CDH7: variants seen among roughly 807,000 people sequenced by gnomAD.
The protein encoded by CDH7 is cadherin-7.
Under a neutral mutation model 71.8 loss-of-function variants are expected in CDH7, and 25 were observed. That is an observed-to-expected ratio of 0.35 (90% confidence interval 0.25 to 0.49). The LOEUF is 0.49. Among genes scored for constraint, CDH7 ranks in the 20% least tolerant of loss-of-function variants. The pLI, the probability that CDH7 is intolerant of heterozygous loss-of-function variation, is 0.99. For synonymous variants in CDH7, 381 were observed against 363.8 expected (o/e 1.05, Z -0.54); for missense variants, 862 against 974.6 (o/e 0.88, Z 1.54).
Position 65,862,747 on chromosome 18 carries a change from T to C in CDH7, c.1694T>C (p.Val565Ala). Residue 565 changes from valine (V) to alanine (A), a missense_variant, in exon 11 of 12, where the codon GTG becomes GCG. Val to Ala is a moderately conservative substitution (Grantham distance 64). Transcript: ENST00000397968. ...GTTTACTATCTGCCAATTTTCATTGTGGACAGTGGATCTCCCTCACTTAGC... is the reference window on the plus strand; with the variant it reads ...GTTTACTATCTGCCAATTTTCATTGCGGACAGTGGATCTCCCTCACTTAGC... ...QSVYYLPIFI[V>A]DSGSPSLSST... The C allele has an allele frequency of 6.2e-7, 1 of 1,614,116 alleles. No individual in the cohort carries two copies. Among genetic ancestry groups the C allele is most frequent in the Non-Finnish European group, 8.5e-7 (1 of 1,179,958 alleles).
chr18:65,868,815 C>T (rs1913842044), intron 11 of CDH7, among the ~76,000 whole-genome samples: 1 of 152,180 alleles, frequency 6.6e-6, no homozygotes, highest in Non-Finnish European at 1.5e-5. Flanking sequence ...TGAAATCATT[C>T]TCCCTCACAT....
intron 11 of CDH7, among the ~76,000 whole-genome samples, chr18:65,878,054 A>G (rs933618073): frequency 2.0e-5 from 3 of 152,118 alleles, no homozygotes; most frequent in African/African-American, 7.2e-5. Context: ...TAGACAGGTT[A>G]TTTTATGTGT....
intron 11 of CDH7, among the ~76,000 whole-genome samples, chr18:65,875,156 G>A (rs1458978618): frequency 6.6e-6 from 1 of 152,192 alleles, no homozygotes; most frequent in East Asian, 1.9e-4. Context: ...GTGGGCAGGG[G>A]AAGCCAAAAG....
chr18:65,860,104 A>G (rs537947282), intron 10 of CDH7, among the ~76,000 whole-genome samples: 1 of 152,278 alleles, frequency 6.6e-6, no homozygotes, highest in South Asian at 2.1e-4. Flanking sequence ...TACCAAGTTC[A>G]TTATCCAAAT....
rs368578868 is a variant in CDH7, at chr18:65,859,054, T to A, written c.1494+8T>A. 7.0e-5 allele frequency: 113 copies of A among 1,610,832 alleles called. No homozygotes were observed. In the Middle Eastern group the frequency reaches 1.7e-3, roughly 24 times the overall value. The stretch of plus-strand genomic sequence containing the variant: ...AATGCCCAGCCGGGGCAGGTAAGAG[T>A]CTTCAGAACACTTTGCTTCTAATTT... On this transcript the variant is annotated splice_region_variant and intron_variant, in intron 9 of 11. Transcript: ENST00000397968.
At chr18:65,817,580 C>A (rs1911765730) in intron 4 of CDH7, among the ~76,000 whole-genome samples, 1 of 152,090 alleles carries the variant, frequency 6.6e-6, no homozygotes, top group African/African-American at 2.4e-5. Flanking sequence ...GAAATAGAAA[C>A]TCATTAGCAG....
At position 65,888,644 on chromosome 18, in the gene CDH7, G is replaced by T. The variant is rs935261366; in HGVS notation, c.*7750G>T. 2 of 151,962 alleles carry T rather than the reference G, an allele frequency of 1.3e-5. No individual in the cohort carries two copies. The highest frequency in any genetic ancestry group is 1.3e-4 in the Admixed American group (2 of 15,242). 9.4% of individuals were successfully genotyped at this position (151,962 alleles called of 1,614,324 possible). A position where few individuals can be genotyped will look rare whatever the true frequency, so the allele number is the denominator to read the frequency against. The stretch of plus-strand genomic sequence containing the variant: ...TAGATAACATTCTAACATATACATG[G>T]TTTCAATTTTCTTATAAGTCTGTGA... On this transcript the variant is annotated 3_prime_UTR_variant, in exon 12 of 12. Transcript: ENST00000397968.
intron 11 of CDH7, among the ~76,000 whole-genome samples, chr18:65,878,330 G>A (rs1008563235): frequency 6.6e-6 from 1 of 152,140 alleles, no homozygotes; most frequent in Non-Finnish European, 1.5e-5. Flanking sequence ...TATCTCTTCA[G>A]TCCACACTGT....
intron 2 of CDH7, among the ~76,000 whole-genome samples, chr18:65,801,297 G>T (rs1911114523): frequency 6.6e-6 from 1 of 152,116 alleles, no homozygotes; most frequent in Admixed American, 6.5e-5. Context: ...TCTAGTTTAG[G>T]CATCGGGATA....
rs1189209857 is a variant in CDH7 at position 65,781,767 on chromosome 18, TTTCC to T, written c.210+18767_210+18770del. 2.0e-3 allele frequency among the ~76,000 whole-genome samples: 153 copies of T among 75,436 alleles called. 3 individuals carry two copies. Among genetic ancestry groups the T allele is most frequent in the Non-Finnish European group, 2.3e-3 (87 of 38,398 alleles). The allele number at this position is 75,436 out of a possible 152,430, so 49.5% of individuals were successfully genotyped here. A position where few individuals can be genotyped will look rare whatever the true frequency, so the allele number is the denominator to read the frequency against. On this transcript the variant is annotated intron_variant, in intron 2 of 11. Coordinates refer to ENST00000397968, the MANE Select transcript of CDH7 (RefSeq NM_004361.5). ...ATTGGTTGATTTCTTTCTTTCTTTC[TTTCC>T]TTCCTTCCTTCCTTCCTTCCTTCCT...
chr18:65,779,023 A>G (rs1910072006), intron 2 of CDH7, among the ~76,000 whole-genome samples: 1 of 150,762 alleles, frequency 6.6e-6, no homozygotes, highest in African/African-American at 2.4e-5. Context: ...GTTTCTTTCA[A>G]TGTAGCCCTT....
At chr18:65,835,164 C>G (rs1912490712) in intron 6 of CDH7, among the ~76,000 whole-genome samples, 1 of 152,112 alleles carries the variant, frequency 6.6e-6, no homozygotes, top group African/African-American at 2.4e-5. Flanking sequence ...ATGGTAAGAA[C>G]AGAGGTTGTA....
chr18:65,777,171 G>T (rs964930129), intron 2 of CDH7, among the ~76,000 whole-genome samples: 1 of 152,010 alleles, frequency 6.6e-6, no homozygotes, highest in African/African-American at 2.4e-5. Context: ...TAAAATGAAA[G>T]ACCTGATGCT....
intron 4 of CDH7, among the ~76,000 whole-genome samples, chr18:65,817,272 G>A (rs547178211): frequency 7.9e-5 from 12 of 152,158 alleles, no homozygotes; most frequent in African/African-American, 2.9e-4. Context: ...AAGAGGTATC[G>A]TCATAACAAG....
intron 1 of CDH7, among the ~76,000 whole-genome samples, chr18:65,759,980 AC>A (rs1916146117): frequency 6.6e-6 from 1 of 152,162 alleles, no homozygotes; most frequent in Non-Finnish European, 1.5e-5. Context: ...TTGATTTATG[AC>A]CATATGGTTC....
chr18:65,806,239 T>C (rs1911315826), intron 2 of CDH7, among the ~76,000 whole-genome samples: 1 of 152,130 alleles, frequency 6.6e-6, no homozygotes, highest in South Asian at 2.1e-4. Flanking sequence ...TGCCTTATCA[T>C]GAGCTAGATT....
intron 2 of CDH7, among the ~76,000 whole-genome samples, chr18:65,801,234 G>T (rs1911112175): frequency 6.6e-6 from 1 of 152,156 alleles, no homozygotes; most frequent in African/African-American, 2.4e-5. Context: ...ATTAGTATAT[G>T]TTGAGTGTTT....
intron 10 of CDH7, among the ~76,000 whole-genome samples, chr18:65,860,835 A>G (rs1913538644): frequency 6.6e-6 from 1 of 152,158 alleles, no homozygotes; most frequent in South Asian, 2.1e-4. Context: ...TCAATCTCAA[A>G]AAAATTCAAT....
chr18:65,762,599 A>G, intron 1 of CDH7, 48 bp from the exon 2 acceptor site: 1 of 337,178 alleles, frequency 3.0e-6, no homozygotes, highest in Non-Finnish European at 5.4e-6. Context: ...GCTAAATATT[A>G]TTATGTGTTT....
Sources: allele counts gnomAD v4.1 joint callset (sites outside exome capture counted in the v4.1 genomes callset), GRCh38; gene constraint gnomAD v4.1.1; transcripts MANE v1.5; gene names NCBI Gene and HGNC (gene_info 2026-07-23, HGNC 2026-07-21).